LRRC37A2: variants seen among roughly 807,000 people sequenced by gnomAD.
LRRC37A2 encodes leucine-rich repeat-containing protein 37A2.
Under a neutral mutation model 68.8 loss-of-function variants are expected in LRRC37A2, and 9 were observed. The ratio of observed to expected loss-of-function variants is 0.13; its 90% CI spans 0.08 to 0.23. LRRC37A2 has a LOEUF of 0.23. LRRC37A2 is among the 10% of genes least tolerant of loss of function. The pLI, the probability that LRRC37A2 is intolerant of heterozygous loss-of-function variation, is 1.00. For synonymous variants in LRRC37A2, 63 were observed against 367.6 expected (o/e 0.17, Z 9.48); for missense variants, 168 against 950.4 (o/e 0.18, Z 10.82).
chr17:46,713,819 T>A, the LRRC37A2 span: 3 of 1,594,258 alleles, frequency 1.9e-6, no homozygotes, highest in Non-Finnish European at 1.7e-6. Flanking sequence ...TTAGGTTGGC[T>A]TTTTTCCCCT....
chr17:46,782,759 C>T, the LRRC37A2 span, among the ~76,000 whole-genome samples: 3 of 152,316 alleles, frequency 2.0e-5, no homozygotes, highest in South Asian at 2.1e-4. Flanking sequence ...GGACTGGAGC[C>T]GCTCACCTGG....
At chr17:46,642,667 TAA>T in the LRRC37A2 span, among the ~76,000 whole-genome samples, 1 of 82,322 alleles carries the variant, frequency 1.2e-5, no homozygotes, top group South Asian at 4.8e-4. Context: ...TGTATAAGCT[TAA>T]TCTGGATAAA....
the LRRC37A2 span, chr17:46,874,848 G>A: frequency 1.6e-5 from 10 of 621,992 alleles, no homozygotes; most frequent in East Asian, 2.8e-4. Flanking sequence ...AAAGTGCTGG[G>A]ATTAGGGGCA....
the LRRC37A2 span, chr17:46,941,466 G>A: frequency 8.2e-6 from 8 of 977,604 alleles, no homozygotes; most frequent in Non-Finnish European, 9.7e-6. Flanking sequence ...CATGGCCAGG[G>A]GCTGGGCTGG....
the LRRC37A2 span, chr17:46,937,460 A>T: frequency 3.3e-5 from 5 of 152,242 alleles, no homozygotes; most frequent in Admixed American, 3.3e-4. Context: ...ATTTACAGAC[A>T]GTAAGGTATA....
chr17:46,923,560 C>A, the LRRC37A2 span: 1 of 1,319,152 alleles, frequency 7.6e-7, no homozygotes, highest in Non-Finnish European at 9.6e-7. Flanking sequence ...GGTTGGTAGA[C>A]CTCGAGAGGA....
At chr17:46,945,945 A>T in the LRRC37A2 span, among the ~76,000 whole-genome samples, 1 of 152,088 alleles carries the variant, frequency 6.6e-6, no homozygotes. Flanking sequence ...GTCCATGGTG[A>T]TTTCTTCCAG....
At chr17:46,901,368 G>C in the LRRC37A2 span, among the ~76,000 whole-genome samples, 1 of 152,006 alleles carries the variant, frequency 6.6e-6, no homozygotes, top group African/African-American at 2.4e-5. Context: ...CACCATGTTG[G>C]CCAGGCCGGT....
At chr17:46,966,375 C>T in the LRRC37A2 span, among the ~76,000 whole-genome samples, 13 of 152,268 alleles carry the variant, frequency 8.5e-5, no homozygotes, top group Admixed American at 3.3e-4. Flanking sequence ...GACCTCCTCA[C>T]ACCTCTTCAA....
At chr17:46,691,194 C>T in the LRRC37A2 span, among the ~76,000 whole-genome samples, 1 of 2,424 alleles carries the variant, frequency 4.1e-4, no homozygotes, top group African/African-American at 1.8e-3. Context: ...ACTATAGGCA[C>T]GTACCACTCT....
chr17:46,707,449 T>C, the LRRC37A2 span, among the ~76,000 whole-genome samples: 1 of 152,224 alleles, frequency 6.6e-6, no homozygotes, highest in Non-Finnish European at 1.5e-5. Flanking sequence ...AGTATATTCA[T>C]AATGTTGTAT....
At chr17:46,722,174 C>G in the LRRC37A2 span, 1 of 1,611,080 alleles carries the variant, frequency 6.2e-7, no homozygotes. Context: ...ACATGGCTTT[C>G]TCCTGGGAGA....
the LRRC37A2 span, chr17:46,875,245 G>A: frequency 6.2e-7 from 1 of 1,614,194 alleles, no homozygotes. Flanking sequence ...TGGCAGTGGG[G>A]CGTGTGCGGT....
At chr17:46,723,417 G>A in the LRRC37A2 span, among the ~76,000 whole-genome samples, 16 of 152,204 alleles carry the variant, frequency 1.1e-4, no homozygotes, top group African/African-American at 3.6e-4. Flanking sequence ...AAAAAAAGTA[G>A]CAAAGAACCG....
At chr17:46,622,251 A>G in the LRRC37A2 span, among the ~76,000 whole-genome samples, 1 of 143,772 alleles carries the variant, frequency 7.0e-6, no homozygotes, top group Non-Finnish European at 1.5e-5. Flanking sequence ...AGGTCAGGAG[A>G]TCGAGACCAG....
exon 10 of LRRC37A2, chr17:46,548,808 T>C (rs2145777285): frequency 6.2e-7 from 1 of 1,612,040 alleles, no homozygotes. Context: ...AGCAGGGGCC[T>C]GAGAAGTTAG....
the LRRC37A2 span, among the ~76,000 whole-genome samples, chr17:47,004,084 C>T: frequency 1.4e-4 from 22 of 152,116 alleles, no homozygotes; most frequent in African/African-American, 4.6e-4. Flanking sequence ...TATTCCATGG[C>T]GTATATGTGC....
At chr17:46,529,197 A>G (rs1027613053) in intron 6 of LRRC37A2, among the ~76,000 whole-genome samples, 11 of 133,914 alleles carry the variant, frequency 8.2e-5, no homozygotes, top group African/African-American at 2.4e-4. Context: ...ATTTGGAGGG[A>G]AAAAAAAGAA....
chr17:46,915,861 T>G, the LRRC37A2 span, among the ~76,000 whole-genome samples: 1 of 152,382 alleles, frequency 6.6e-6, no homozygotes, highest in Non-Finnish European at 1.5e-5. Context: ...TGAACAATAC[T>G]GGGCCACTAG....
Sources: gnomAD v4.1 joint callset for allele counts (sites outside exome capture counted in the v4.1 genomes callset) on GRCh38, gnomAD v4.1.1 for gene constraint, MANE v1.5 for transcripts, NCBI Gene and HGNC (gene_info 2026-07-23, HGNC 2026-07-21) for gene names.